RPIA: variants seen among roughly 807,000 people sequenced by gnomAD.
RPIA encodes ribose-5-phosphate isomerase.
Under a neutral mutation model 37.8 loss-of-function variants are expected in RPIA, and 29 were observed. The ratio of observed to expected loss-of-function variants is 0.77; its 90% CI spans 0.57 to 1.05. RPIA has a LOEUF of 1.05. Among genes scored for constraint, RPIA ranks in the 50% least tolerant of loss-of-function variants. The pLI is 0.00. For synonymous variants in RPIA, 167 were observed against 157.0 expected (o/e 1.06, Z -0.48); for missense variants, 385 against 413.6 (o/e 0.93, Z 0.60).
At chr2:88,694,670 C>G (rs1175005797) in intron 1 of RPIA, among the ~76,000 whole-genome samples, 1 of 152,152 alleles carries the variant, frequency 6.6e-6, no homozygotes, top group Non-Finnish European at 1.5e-5. Flanking sequence ...CTTACCTTCT[C>G]CTTCCCTCCT....
intron 8 of RPIA, among the ~76,000 whole-genome samples, chr2:88,743,637 G>T (rs1673407912): frequency 6.6e-6 from 1 of 152,098 alleles, no homozygotes; most frequent in African/African-American, 2.4e-5. Context: ...ATGTCTGATA[G>T]AATTCAGCTG....
At chr2:88,735,124 G>A (rs1477426473) in intron 5 of RPIA, among the ~76,000 whole-genome samples, 3 of 152,198 alleles carry the variant, frequency 2.0e-5, no homozygotes, top group African/African-American at 7.2e-5. Context: ...AGACTATTGA[G>A]TGATGCAGCA....
In RPIA at chr2:88,750,072, C is replaced by T; in HGVS notation, c.930C>T (p.Phe310=). 1 of 1,609,102 alleles carries T rather than the reference C, an allele frequency of 6.2e-7. No homozygotes were observed. The highest frequency in any genetic ancestry group is 1.1e-5 in the South Asian group (1 of 90,938). Residue 310 remains phenylalanine (F), a synonymous_variant, in exon 9 of 9, where the codon TTC becomes TTT. Transcript: ENST00000283646. The stretch of plus-strand genomic sequence containing the variant: ...CAGTGAACATGAGGGAGAAGCCTTT[C>T]TGTTGACCCTGCAAGGAGCAGAGTG... ...DGSVNMREKP[F]C
chr2:88,711,954 TAGTG>T (rs1367528506), intron 3 of RPIA, among the ~76,000 whole-genome samples: 2 of 152,154 alleles, frequency 1.3e-5, no homozygotes, highest in Non-Finnish European at 2.9e-5. Flanking sequence ...CTGAGCAACA[TAGTG>T]AGACCCTATT....
intron 3 of RPIA, among the ~76,000 whole-genome samples, chr2:88,723,490 A>G (rs1409122498): frequency 2.0e-5 from 3 of 152,276 alleles, no homozygotes; most frequent in Non-Finnish European, 4.4e-5. Context: ...CAGCAAAATA[A>G]ACTTTAGATT....
intron 4 of RPIA, among the ~76,000 whole-genome samples, chr2:88,733,693 C>T (rs1377128416): frequency 6.6e-6 from 1 of 152,146 alleles, no homozygotes; most frequent in Non-Finnish European, 1.5e-5. Flanking sequence ...TTTTTTATAC[C>T]TGTGCCATGC....
chr2:88,707,843 G>T (rs150903375), intron 3 of RPIA, among the ~76,000 whole-genome samples: 359 of 152,346 alleles, frequency 2.4e-3, no homozygotes, highest in African/African-American at 8.2e-3. Context: ...TGCCAGACCA[G>T]GCATGGAATT....
Position 88,734,543 on chromosome 2 carries a change from C to G in RPIA, c.463-9C>G, listed in dbSNP as rs1673292052. On this transcript the variant is annotated splice_polypyrimidine_tract_variant and intron_variant, in intron 4 of 8. Transcript: ENST00000283646. ...TGGTTTTTGTATCTTTACCTTTCCCCCAATACAGATCGACCTTGCCATCGA... is the reference window on the plus strand; with the variant it reads ...TGGTTTTTGTATCTTTACCTTTCCCGCAATACAGATCGACCTTGCCATCGA... 10 of 1,614,018 alleles carry G rather than the reference C, an allele frequency of 6.2e-6. No individual in the cohort carries two copies. Among genetic ancestry groups the G allele is most frequent in the Non-Finnish European group, 8.5e-6 (10 of 1,179,988 alleles).
intron 8 of RPIA, among the ~76,000 whole-genome samples, chr2:88,743,952 A>G (rs1249155583): frequency 6.6e-6 from 1 of 152,110 alleles, no homozygotes; most frequent in African/African-American, 2.4e-5. Context: ...TATCTTTTCA[A>G]AGAACCAGGT....
At chr2:88,722,888 G>A (rs1673151621) in intron 3 of RPIA, among the ~76,000 whole-genome samples, 1 of 152,212 alleles carries the variant, frequency 6.6e-6, no homozygotes, top group African/African-American at 2.4e-5. Flanking sequence ...TGGTACTGCA[G>A]ATGGCAAAGG....
intron 8 of RPIA, among the ~76,000 whole-genome samples, chr2:88,740,047 G>C (rs1214644945): frequency 1.3e-5 from 2 of 152,188 alleles, no homozygotes; most frequent in South Asian, 2.1e-4. Context: ...AAACAGCCAA[G>C]AAGGTAGGAG....
At chr2:88,711,911 G>A (rs1301866528) in intron 3 of RPIA, among the ~76,000 whole-genome samples, 1 of 152,176 alleles carries the variant, frequency 6.6e-6, no homozygotes, top group Non-Finnish European at 1.5e-5. Flanking sequence ...AGGCTGAGGT[G>A]TGAGGATTGC....
At chr2:88,712,756 C>T (rs546305686) in intron 3 of RPIA, among the ~76,000 whole-genome samples, 4 of 152,240 alleles carry the variant, frequency 2.6e-5, no homozygotes, top group South Asian at 2.1e-4. Flanking sequence ...TTGGGTCATC[C>T]GGGATGGTCA....
chr2:88,716,330 C>T (rs6746372), intron 3 of RPIA, among the ~76,000 whole-genome samples: 9,978 of 152,174 alleles, frequency 0.066, 590 homozygotes, highest in African/African-American at 0.16. Flanking sequence ...CTCCCTAAAA[C>T]GTGTAAAAGC....
intron 3 of RPIA, among the ~76,000 whole-genome samples, chr2:88,708,397 G>A (rs888097552): frequency 1.3e-5 from 2 of 152,134 alleles, no homozygotes; most frequent in African/African-American, 4.8e-5. Context: ...GTTCAAGTGA[G>A]TCTTTTAGTG....
In RPIA at chr2:88,736,599, G is replaced by T; in HGVS notation, c.661G>T (p.Ala221Ser). 6.2e-7 allele frequency: 1 copy of T among 1,614,086 alleles called. No homozygotes were observed. Among genetic ancestry groups the T allele is most frequent in the Non-Finnish European group, 8.5e-7 (1 of 1,180,002 alleles). ...AATCCCCATCGAGGTCATCCCAATG[G>T]CCTATGTCCCAGTGAGCCGAGCTGT... ...KGIPIEVIPM[A>S]YVPVSRAVSQ... Residue 221 changes from alanine (A) to serine (S), a missense_variant, in exon 7 of 9, where the codon GCC becomes TCC. Physicochemically the swap from Ala to Ser is moderately conservative, Grantham distance 99. Around this residue, in one of 2 missense-constraint regions of RPIA, gnomAD observed 153 missense variants for 210.6 expected, o/e 0.73. Coordinates refer to ENST00000283646, the MANE Select transcript of RPIA (RefSeq NM_144563.3).
At chr2:88,740,323 A>T (rs1398716440) in intron 8 of RPIA, among the ~76,000 whole-genome samples, 1 of 152,240 alleles carries the variant, frequency 6.6e-6, no homozygotes, top group African/African-American at 2.4e-5. Flanking sequence ...AAAGACGTTC[A>T]GAGTTTTGTT....
intron 8 of RPIA, among the ~76,000 whole-genome samples, chr2:88,748,365 A>G (rs531470715): frequency 2.6e-5 from 4 of 152,236 alleles, no homozygotes; most frequent in Non-Finnish European, 4.4e-5. Flanking sequence ...CTGGATCACC[A>G]CTAGTGGTCA....
intron 8 of RPIA, among the ~76,000 whole-genome samples, chr2:88,745,185 C>T (rs1294517194): frequency 6.6e-6 from 1 of 152,142 alleles, no homozygotes; most frequent in Non-Finnish European, 1.5e-5. Context: ...GTCTCAAACT[C>T]CTGACCTCAG....
Sources: gnomAD v4.1 joint callset for allele counts (sites outside exome capture counted in the v4.1 genomes callset) on GRCh38, gnomAD v4.1.1 for gene constraint, gnomAD v4.1.1 regional missense constraint, MANE v1.5 for transcripts, NCBI Gene and HGNC (gene_info 2026-07-23, HGNC 2026-07-21) for gene names.